The following HAMP variants were observed in gnomAD, a reference collection of about 807,000 sequenced individuals.
HAMP encodes hepcidin antimicrobial peptide.
HAMP carries 5 observed loss-of-function variants against 7.8 expected under a neutral mutation model. The observed-to-expected ratio is 0.64, with a 90% confidence interval of 0.33 to 1.34. The LOEUF (loss-of-function observed/expected upper bound fraction) is 1.34, where lower values mean the gene tolerates loss of function less well. HAMP is among the 40% of genes most tolerant of loss of function. The probability of loss-of-function intolerance (pLI) is 0.05; values close to 1 mark genes in which losing one functional copy is unlikely to be tolerated. For synonymous variants in HAMP, 52 were observed against 38.6 expected (o/e 1.35, Z -1.28); for missense variants, 105 against 104.1 (o/e 1.01, Z -0.04).
intron 1 of HAMP, chr19:35,284,454 C>CA (rs1416973354): frequency 4.5e-6 from 2 of 441,390 alleles, no homozygotes; most frequent in Admixed American, 3.6e-5. Context: ...AAAAAACAAA[C>CA]AAAAAAAGTG....
In HAMP at chr19:35,284,777, C is replaced by T; in HGVS notation, c.91-12C>T. 6.2e-7 allele frequency: 1 copy of T among 1,612,472 alleles called. No homozygotes were observed. On this transcript the variant is annotated splice_polypyrimidine_tract_variant and intron_variant, in intron 1 of 2. Coordinates refer to ENST00000222304, the MANE Select transcript of HAMP (RefSeq NM_021175.4). ...CCCCTGCCATCCTCTGCACCCCCTT[C>T]TGCTTTCACAGACGGGACAACTTGC...
chr19:35,284,847 T>C lies in HAMP; in HGVS notation c.149T>C (p.Met50Thr), dbSNP rs1277179518. 6.2e-7 allele frequency: 1 copy of C among 1,613,604 alleles called. No homozygotes were observed. Among genetic ancestry groups the C allele is most frequent in the African/African-American group, 1.3e-5 (1 of 75,010 alleles). ...QDRAGARASW[M>T]PMFQRRRRRD... ...AGAGCTGGAGCCAGGGCCAGCTGGA[T>C]GGTGAGCGCAACAGTGATGCCTTTC... Residue 50 changes from methionine to threonine, a missense_variant and splice_region_variant, in exon 2 of 3, where the codon ATG becomes ACG. Coordinates refer to ENST00000222304, the MANE Select transcript of HAMP (RefSeq NM_021175.4).
chr19:35,285,048 A>G lies in HAMP; in HGVS notation c.*6A>G. 1 of 1,575,684 alleles carries G rather than the reference A, an allele frequency of 6.3e-7. No homozygotes were observed. Among genetic ancestry groups the G allele is most frequent in the South Asian group, 1.1e-5 (1 of 90,332 alleles). ...GGATGTGCTGCAAGACGTAGAACCT[A>G]CCTGCCCTGCCCCCGTCCCCTCCCT... is the stretch of plus-strand genomic sequence containing the variant. On this transcript the variant is annotated 3_prime_UTR_variant, in exon 3 of 3. Transcript: ENST00000222304.
intron 1 of HAMP, chr19:35,284,316 G>GTAGATCTCGGTGGT: frequency 5.2e-6 from 1 of 193,448 alleles, no homozygotes; most frequent in Non-Finnish European, 1.1e-5. Context: ...GTGGTGGCGT[G>GTAGATCTCGGTGGT]CACCTGCTGT....
At chr19:35,284,606 G>GTT (rs370723038) in intron 1 of HAMP, 183 bp from the exon 2 acceptor site, 2,118 of 509,704 alleles carry the variant, frequency 4.2e-3, no homozygotes, top group Middle Eastern at 6.4e-3. Context: ...GATCTGGGAG[G>GTT]TTTTTTTTTT....
chr19:35,282,942 A>G, intron 1 of HAMP: 1 of 402,720 alleles, frequency 2.5e-6, no homozygotes, highest in South Asian at 2.2e-5. Flanking sequence ...AAAGTTAGCC[A>G]GGCTTGGTGG....
chr19:35,282,970 A>C, intron 1 of HAMP: 1 of 373,146 alleles, frequency 2.7e-6, no homozygotes, highest in Non-Finnish European at 5.2e-6. Flanking sequence ...CTGTAATCCC[A>C]GCTACTCGGG....
chr19:35,285,102 A>G lies in HAMP; in HGVS notation c.*60A>G. 1 of 1,084,666 alleles carries G rather than the reference A, an allele frequency of 9.2e-7. No individual in the cohort carries two copies. Among genetic ancestry groups the G allele is most frequent in the Non-Finnish European group, 1.4e-6 (1 of 696,528 alleles). 67.2% of individuals were successfully genotyped at this position (1,084,666 alleles called of 1,614,324 possible). A position where few individuals can be genotyped will look rare whatever the true frequency, so the allele number is the denominator to read the frequency against. On this transcript the variant is annotated 3_prime_UTR_variant, in exon 3 of 3. Coordinates refer to ENST00000222304, the MANE Select transcript of HAMP (RefSeq NM_021175.4). ...TTATTTATTCCTGCTGCCCCAGAACATAGGTCTTGGAATAAAATGGCTGGT... is the reference window on the plus strand; with the variant it reads ...TTATTTATTCCTGCTGCCCCAGAACGTAGGTCTTGGAATAAAATGGCTGGT...
intron 1 of HAMP, 127 bp from the exon 2 acceptor site, chr19:35,284,662 G>T: frequency 1.4e-6 from 1 of 725,928 alleles, no homozygotes; most frequent in South Asian, 1.5e-5. Flanking sequence ...AAGAAAGCAA[G>T]GCCCCTCCTA....
chr19:35,284,134 T>C (rs1442999482), intron 1 of HAMP: 1 of 153,922 alleles, frequency 6.5e-6, no homozygotes, highest in Non-Finnish European at 1.4e-5. Flanking sequence ...ACAATCTCAC[T>C]GGCCATGTTT....
chr19:35,284,727 A>G, intron 1 of HAMP, 62 bp from the exon 2 acceptor site: 2 of 1,274,444 alleles, frequency 1.6e-6, no homozygotes, highest in African/African-American at 2.9e-5. Flanking sequence ...GGTTGCCGGG[A>G]GCCAGTCTCA....
At chr19:35,283,156 C>T (rs891883439) in intron 1 of HAMP, 9 of 226,644 alleles carry the variant, frequency 4.0e-5, no homozygotes, top group Middle Eastern at 1.7e-3. Context: ...TGGGTATTTA[C>T]GGAACCCCTA....
At chr19:35,283,677 T>A (rs1313256235) in intron 1 of HAMP, 2 of 152,260 alleles carry the variant, frequency 1.3e-5, no homozygotes, top group African/African-American at 4.8e-5. Flanking sequence ...AGGGTCAGGC[T>A]GAACAAGAGG....
At chr19:35,284,061 C>T (rs972907111) in intron 1 of HAMP, 1 of 152,422 alleles carries the variant, frequency 6.6e-6, no homozygotes, top group Non-Finnish European at 1.5e-5. Flanking sequence ...TCCCAAAGTG[C>T]TGGGATTACA....
chr19:35,282,986 G>A (rs1251680484), intron 1 of HAMP: 4 of 356,224 alleles, frequency 1.1e-5, no homozygotes, highest in South Asian at 4.6e-5. Context: ...TCGGGAGACT[G>A]AGGCAGGAGA....
In HAMP at chr19:35,284,839, C is replaced by T; in HGVS notation, c.141C>T (p.Ala47=). 3 of 1,613,828 alleles carry T rather than the reference C, an allele frequency of 1.9e-6. No individual in the cohort carries two copies. Among genetic ancestry groups the T allele is most frequent in the East Asian group, 2.2e-5 (1 of 44,878 alleles). The change falls in exon 2 of 3, where the codon GCC becomes GCT. Residue 47 remains alanine (A), a synonymous_variant. Transcript: ENST00000222304. ...CCCAGGACAGAGCTGGAGCCAGGGC[C>T]AGCTGGATGGTGAGCGCAACAGTGA... ...LQPQDRAGAR[A]SWMPMFQRRR... is the part of the protein sequence containing the mutation.
rs1423263926 is a variant in HAMP at position 35,284,809 on chromosome 19, G to A, written c.111G>A (p.Leu37=). Residue 37 remains leucine (L), a synonymous_variant, in exon 2 of 3, where the codon CTG becomes CTA. Transcript: ENST00000222304. The stretch of plus-strand genomic sequence containing the variant: ...CACAGACGGGACAACTTGCAGAGCT[G>A]CAACCCCAGGACAGAGCTGGAGCCA... ...FPQQTGQLAE[L]QPQDRAGARA... 6.2e-7 allele frequency: 1 copy of A among 1,613,972 alleles called. No individual in the cohort carries two copies. The highest frequency in any genetic ancestry group is 1.7e-5 in the Admixed American group (1 of 60,000).
chr19:35,284,877 C>T (rs374126439), intron 2 of HAMP, 29 bp downstream of exon 2: 40 of 1,605,836 alleles, frequency 2.5e-5, no homozygotes, highest in Admixed American at 5.0e-5. Context: ...CCTTTCCTAG[C>T]CCCCTGCTCC....
intron 1 of HAMP, chr19:35,282,977 C>G (rs896155559): frequency 2.8e-6 from 1 of 363,410 alleles, no homozygotes; most frequent in Non-Finnish European, 5.4e-6. Flanking sequence ...CCCAGCTACT[C>G]GGGAGACTGA....
Sources: allele counts gnomAD v4.1 joint callset, GRCh38; gene constraint gnomAD v4.1.1; transcripts MANE v1.5; gene names NCBI Gene and HGNC (gene_info 2026-07-23, HGNC 2026-07-21).